Variants in NCALD observed in about 807,000 individuals in gnomAD.
NCALD encodes the protein neurocalcin delta, also known as neurocalcin-delta.
Under a neutral mutation model 18.6 loss-of-function variants are expected in NCALD, and 10 were observed. That is an observed-to-expected ratio of 0.54 (90% CI 0.33 to 0.91). NCALD has a LOEUF of 0.91. Among genes scored for constraint, NCALD ranks in the 40% least tolerant of loss-of-function variants. The pLI, the probability that NCALD is intolerant of heterozygous loss-of-function variation, is 0.03. For missense variants in NCALD, 184 were observed against 247.6 expected, an observed-to-expected ratio of 0.74 and a Z score of 1.72; for synonymous variants, 88 against 87.4, an observed-to-expected ratio of 1.01 and a Z score of -0.04.
At chr8:101,986,745 G>A (rs535933334) in intron 2 of NCALD, 1 of 152,278 alleles carries the variant, frequency 6.6e-6, no homozygotes, top group Non-Finnish European at 1.5e-5. Context: ...CTGAATTAAT[G>A]CTTATTAGAT....
At chr8:101,700,101 C>A (rs1815189430) in intron 2 of NCALD, among the ~76,000 whole-genome samples, 1 of 151,314 alleles carries the variant, frequency 6.6e-6, no homozygotes, top group Non-Finnish European at 1.5e-5. Flanking sequence ...CATTCTGTTG[C>A]CCAAGCTGGA....
chr8:101,710,638 C>G (rs1385971195), intron 2 of NCALD, among the ~76,000 whole-genome samples: 1 of 152,236 alleles, frequency 6.6e-6, no homozygotes, highest in Non-Finnish European at 1.5e-5. Context: ...ACAGTGTAAA[C>G]AAAGCCACTG....
chr8:102,004,483 C>T (rs1476215059), intron 2 of NCALD, among the ~76,000 whole-genome samples: 1 of 152,056 alleles, frequency 6.6e-6, no homozygotes, highest in Non-Finnish European at 1.5e-5. Flanking sequence ...CAGTGCCATC[C>T]CCATCAAGCT....
At chr8:101,968,308 A>G (rs1174132466) in intron 2 of NCALD, among the ~76,000 whole-genome samples, 4 of 151,994 alleles carry the variant, frequency 2.6e-5, no homozygotes, top group African/African-American at 9.7e-5. Flanking sequence ...AGTTTTTCTT[A>G]AAAGAAAAAA....
In NCALD at chr8:102,108,538, C is replaced by A. The variant is rs1037695998; in HGVS notation, c.-210+15699G>T. On this transcript the variant is annotated intron_variant, in intron 1 of 6. Transcript: ENST00000311028. Reference sequence around the variant, plus strand: ...GACTTGCTGGACAGAAAACATCCTCCGTCATTGCAACCAAGGCAGCCGAGT... The same window carrying A: ...GACTTGCTGGACAGAAAACATCCTCAGTCATTGCAACCAAGGCAGCCGAGT... Among the ~76,000 whole-genome samples, 36 of 152,286 alleles carry A rather than the reference C, an allele frequency of 2.4e-4. 1 individual carries two copies. The highest frequency in any genetic ancestry group is 3.4e-3 in the Middle Eastern group (1 of 294).
chr8:101,963,468 C>G (rs950770913), intron 2 of NCALD, among the ~76,000 whole-genome samples: 18 of 152,244 alleles, frequency 1.2e-4, no homozygotes, highest in African/African-American at 3.4e-4. Flanking sequence ...ACCAAGGAAG[C>G]ATGTGACTCC....
chr8:101,850,719 AG>A (rs1258153428), intron 4 of NCALD, among the ~76,000 whole-genome samples: 1 of 152,184 alleles, frequency 6.6e-6, no homozygotes, highest in Non-Finnish European at 1.5e-5. Flanking sequence ...TTTCAATTAC[AG>A]TATATATGAA....
intron 2 of NCALD, among the ~76,000 whole-genome samples, chr8:101,962,694 A>C (rs912008952): frequency 1.3e-5 from 2 of 152,202 alleles, no homozygotes; most frequent in Admixed American, 6.5e-5. Flanking sequence ...TGCACACTAA[A>C]GTTTGAGAAG....
intron 1 of NCALD, among the ~76,000 whole-genome samples, chr8:102,044,951 AGGTGCATTTAAGTGCAATGGCCCCTGG>A (rs1823187597): frequency 6.6e-6 from 1 of 152,206 alleles, no homozygotes; most frequent in Non-Finnish European, 1.5e-5. Context: ...AGTGCACAGT[AGGTGCATTTAAGTGCAATGGCCCCTGG>A]CTGGACAACA....
intron 1 of NCALD, among the ~76,000 whole-genome samples, chr8:101,720,442 GTA>G (rs1816298813): frequency 1.3e-5 from 2 of 152,160 alleles, no homozygotes; most frequent in Admixed American, 1.3e-4. Context: ...AAAAAAAGCA[GTA>G]TCACTTCAAA....
chr8:101,938,723 A>T (rs1818851230), intron 2 of NCALD, among the ~76,000 whole-genome samples: 1 of 152,220 alleles, frequency 6.6e-6, no homozygotes, highest in Non-Finnish European at 1.5e-5. Flanking sequence ...AAATGTTTTA[A>T]TAATGATAAT....
At chr8:101,996,104 G>T (rs1229373662) in intron 2 of NCALD, among the ~76,000 whole-genome samples, 1 of 152,220 alleles carries the variant, frequency 6.6e-6, no homozygotes, top group Non-Finnish European at 1.5e-5. Context: ...GCTTGGCATG[G>T]TGCCTGGTAC....
chr8:101,703,486 C>A (rs901526393), intron 2 of NCALD, among the ~76,000 whole-genome samples: 1 of 152,168 alleles, frequency 6.6e-6, no homozygotes, highest in Admixed American at 6.5e-5. Flanking sequence ...GGGATTGAAT[C>A]TATCCCCTCC....
intron 1 of NCALD, among the ~76,000 whole-genome samples, chr8:102,100,871 G>A (rs1009453324): frequency 4.6e-5 from 7 of 151,332 alleles, no homozygotes; most frequent in South Asian, 2.1e-4. Flanking sequence ...AGAGCAGAAC[G>A]GTGGTCGTCA....
At chr8:101,834,591 A>T (rs569327242) in intron 4 of NCALD, among the ~76,000 whole-genome samples, 2 of 152,328 alleles carry the variant, frequency 1.3e-5, no homozygotes, top group East Asian at 3.9e-4. Flanking sequence ...CTTCAGGGGT[A>T]CCTGACCAAT....
In NCALD at chr8:101,983,189, C is replaced by G. The variant is rs760137824; in HGVS notation, c.-157+37048G>C. ...CATCTACCTTTGGGGTTCTGTCCCTCTGCTACCAGGTAGTGAGGGCTGCTG... is the reference window on the plus strand; with the variant it reads ...CATCTACCTTTGGGGTTCTGTCCCTGTGCTACCAGGTAGTGAGGGCTGCTG... On this transcript the variant is annotated intron_variant, in intron 2 of 6. Coordinates refer to the NCALD transcript ENST00000311028. Among the ~76,000 whole-genome samples, 82 of 152,214 alleles carry G rather than the reference C, an allele frequency of 5.4e-4. 2 individuals are homozygous for G. The highest frequency in any genetic ancestry group is 1.3e-4 in the Non-Finnish European group (9 of 68,034).
intron 2 of NCALD, among the ~76,000 whole-genome samples, chr8:101,931,446 GAC>G (rs1818568655): frequency 6.6e-6 from 1 of 152,108 alleles, no homozygotes; most frequent in Non-Finnish European, 1.5e-5. Flanking sequence ...CAATACCAAG[GAC>G]ACAGAGTTGG....
intron 2 of NCALD, among the ~76,000 whole-genome samples, chr8:101,955,332 A>G (rs1212280291): frequency 6.6e-6 from 1 of 152,214 alleles, no homozygotes; most frequent in Non-Finnish European, 1.5e-5. Flanking sequence ...AGAGAGGGCA[A>G]ATGTGAATAT....
intron 4 of NCALD, among the ~76,000 whole-genome samples, chr8:101,822,895 C>T (rs886343025): frequency 8.5e-5 from 13 of 152,154 alleles, no homozygotes; most frequent in African/African-American, 3.1e-4. Context: ...CAATCAGGTC[C>T]GTTTTAAACC....
Sources: gnomAD v4.1 joint callset for allele counts (sites outside exome capture counted in the v4.1 genomes callset) on GRCh38, gnomAD v4.1.1 for gene constraint, MANE v1.5 for transcripts, NCBI Gene and HGNC (gene_info 2026-07-23, HGNC 2026-07-21) for gene names.